Variants in PLEKHG1 observed in about 807,000 individuals in gnomAD.
PLEKHG1 encodes the protein pleckstrin homology domain-containing family G member 1.
A neutral mutation model predicts 100.8 loss-of-function variants in PLEKHG1; 44 were observed. That is an observed-to-expected ratio of 0.44 (90% confidence interval 0.34 to 0.56). The LOEUF (loss-of-function observed/expected upper bound fraction) is 0.56. PLEKHG1 is among the 20% of genes least tolerant of loss of function. PLEKHG1 has a pLI of 0.01. For synonymous variants in PLEKHG1, 640 were observed against 662.5 expected (o/e 0.97, Z 0.52); for missense variants, 1,545 against 1,720.9 (o/e 0.90, Z 1.81).
intron 1 of PLEKHG1, among the ~76,000 whole-genome samples, chr6:150,616,677 C>G (rs1777083699): frequency 6.6e-6 from 1 of 152,212 alleles, no homozygotes; most frequent in African/African-American, 2.4e-5. Context: ...AATTCAGAAG[C>G]ATTCTCTTCT....
chr6:150,796,046 C>A, intron 5 of PLEKHG1, 144 bp downstream of exon 6: 1 of 567,802 alleles, frequency 1.8e-6, no homozygotes. Flanking sequence ...GTGCTGAGAA[C>A]AGATTACAGG....
At chr6:150,801,759 C>T (rs528525773) in intron 6 of PLEKHG1, among the ~76,000 whole-genome samples, 328 of 151,996 alleles carry the variant, frequency 2.2e-3, no homozygotes, top group African/African-American at 7.7e-3. Flanking sequence ...TATTTCTTAC[C>T]CTCCAAAAAA....
chr6:150,624,378 T>A (rs768765329), intron 1 of PLEKHG1, among the ~76,000 whole-genome samples: 1 of 152,026 alleles, frequency 6.6e-6, no homozygotes, highest in Non-Finnish European at 1.5e-5. Flanking sequence ...CCCTCCCACA[T>A]CCTCAACACT....
intron 3 of PLEKHG1, among the ~76,000 whole-genome samples, chr6:150,701,417 TTATA>T (rs56982419): frequency 0.025 from 761 of 30,796 alleles, 3 homozygotes; most frequent in East Asian, 0.035. Flanking sequence ...CAGTAATTCT[TTATA>T]TATATATATA....
At chr6:150,765,743 T>C (rs1784425844) in intron 2 of PLEKHG1, among the ~76,000 whole-genome samples, 1 of 152,140 alleles carries the variant, frequency 6.6e-6, no homozygotes, top group Non-Finnish European at 1.5e-5. Flanking sequence ...ACCGATTCTT[T>C]TGTAAAATAC....
chr6:150,607,371 C>T (rs1050393371), intron 1 of PLEKHG1, among the ~76,000 whole-genome samples: 2 of 152,144 alleles, frequency 1.3e-5, no homozygotes, highest in Admixed American at 6.5e-5. Context: ...CTGACATCTG[C>T]ACTTCTCTGA....
Position 150,784,936 on chromosome 6 carries a change from C to T in PLEKHG1, c.513-1454C>T, listed in dbSNP as rs76512895. Reference sequence around the variant, plus strand: ...TACATAACAGAACTAGTTAAGAAGGCTGGCCACGGTTGCTCACACTACCCA... The same window carrying T: ...TACATAACAGAACTAGTTAAGAAGGTTGGCCACGGTTGCTCACACTACCCA... On this transcript the variant is annotated intron_variant, in intron 3 of 15. Coordinates refer to ENST00000358517, the Ensembl canonical transcript of PLEKHG1. Among the ~76,000 whole-genome samples, 480 of 151,698 alleles carry T rather than the reference C, an allele frequency of 3.2e-3. 4 individuals carry two copies. The highest frequency in any genetic ancestry group is 0.011 in the African/African-American group (459 of 41,358).
chr6:150,628,571 C>CACACAA (rs1182655071), intron 1 of PLEKHG1, among the ~76,000 whole-genome samples: 1 of 150,752 alleles, frequency 6.6e-6, no homozygotes, highest in Non-Finnish European at 1.5e-5. Flanking sequence ...CACACACACA[C>CACACAA]ACACACCCCG....
At chr6:150,843,130 A>G (rs1392109488) in exon 16 of PLEKHG1, 1 of 152,222 alleles carries the variant, frequency 6.6e-6, no homozygotes, top group Admixed American at 6.5e-5. Context: ...GGTATTATCC[A>G]GTTCTATGTA....
At chr6:150,681,123 A>T (rs1034038712) in intron 3 of PLEKHG1, among the ~76,000 whole-genome samples, 5 of 152,230 alleles carry the variant, frequency 3.3e-5, no homozygotes, top group Admixed American at 1.3e-4. Flanking sequence ...TGCAATGCTG[A>T]GGACCGTAAA....
intron 3 of PLEKHG1, among the ~76,000 whole-genome samples, chr6:150,776,959 G>A (rs572145489): frequency 2.4e-4 from 36 of 150,562 alleles, no homozygotes; most frequent in South Asian, 4.1e-4. Context: ...CAATCCTGGT[G>A]CACATGTGCG....
rs763998761 is a variant in PLEKHG1, at chr6:150,840,255, G to A, written c.3517G>A (p.Ala1173Thr). Reference sequence around the variant, plus strand: ...CTCCTTGGGTCGGAAAGGGATCAGCGCTAAATCTCAGCCTTATCACAGGTC... The same window carrying A: ...CTCCTTGGGTCGGAAAGGGATCAGCACTAAATCTCAGCCTTATCACAGGTC... Residue 1173 changes from alanine to threonine, a missense_variant, in exon 16 of 16, where the codon GCT (alanine) becomes ACT (threonine). Physicochemically the swap from Ala to Thr is moderately conservative, Grantham distance 58 (BLOSUM62 0). Transcript: ENST00000358517. 3.2e-5 allele frequency: 51 copies of A among 1,614,062 alleles called. No individual in the cohort carries two copies. Among genetic ancestry groups the A allele is most frequent in the East Asian group, 1.3e-4 (6 of 44,898 alleles).
chr6:150,809,182 C>A, exon 8 of PLEKHG1: 1 of 1,613,468 alleles, frequency 6.2e-7, no homozygotes, highest in South Asian at 1.1e-5. Context: ...AGGGAACCTT[C>A]CGCATCCAGC....
intron 2 of PLEKHG1, among the ~76,000 whole-genome samples, chr6:150,737,084 T>C (rs564569319): frequency 1.1e-4 from 17 of 152,300 alleles, no homozygotes; most frequent in African/African-American, 3.8e-4. Flanking sequence ...TAGAAAACTT[T>C]AGAATTGTTT....
chr6:150,781,938 A>ATTTT (rs575472001), intron 3 of PLEKHG1, among the ~76,000 whole-genome samples: 1 of 143,594 alleles, frequency 7.0e-6, no homozygotes, highest in African/African-American at 2.5e-5. Context: ...CGCCCGGCTA[A>ATTTT]TTTTTTTTTT....
At position 150,774,088 on chromosome 6, in the gene PLEKHG1, G is replaced by C. The variant is rs537762810; in HGVS notation, c.512+5350G>C. 5.2e-4 allele frequency among the ~76,000 whole-genome samples: 79 copies of C among 152,216 alleles called. 1 individual carries two copies. The highest frequency in any genetic ancestry group is 1.7e-3 in the African/African-American group (72 of 41,536). On this transcript the variant is annotated intron_variant, in intron 3 of 15. Coordinates refer to ENST00000358517, the Ensembl canonical transcript of PLEKHG1. ...TTCTCAACTTTCCTGTTCTAAGAGT[G>C]GTTCATAGATCTCTTGGATTTCTGT...
chr6:150,772,927 T>A (rs1488313336), intron 3 of PLEKHG1, among the ~76,000 whole-genome samples: 1 of 152,222 alleles, frequency 6.6e-6, no homozygotes, highest in Non-Finnish European at 1.5e-5. Context: ...CAGTGATCTT[T>A]GCAGATTATG....
At chr6:150,809,766 G>C in intron 10 of PLEKHG1, 32 bp downstream of exon 11, 3 of 1,512,346 alleles carry the variant, frequency 2.0e-6, no homozygotes, top group Non-Finnish European at 1.8e-6. Context: ...AGTGAAATGG[G>C]AGAGAGATAC....
intron 3 of PLEKHG1, among the ~76,000 whole-genome samples, chr6:150,785,489 G>T (rs1401825747): frequency 3.3e-5 from 5 of 152,146 alleles, no homozygotes; most frequent in Non-Finnish European, 2.9e-5. Flanking sequence ...TTATGGTACA[G>T]TCACACAATG....
Sources: allele counts gnomAD v4.1 joint callset (sites outside exome capture counted in the v4.1 genomes callset), GRCh38; gene constraint gnomAD v4.1.1; transcripts MANE v1.5; gene names NCBI Gene and HGNC (gene_info 2026-07-23, HGNC 2026-07-21).